Variants in RECK observed in about 807,000 individuals in gnomAD.
The protein encoded by RECK is reversion-inducing cysteine-rich protein with Kazal motifs.
A neutral mutation model predicts 115.1 loss-of-function variants in RECK; 69 were observed. The observed-to-expected ratio is 0.60, with a 90% CI of 0.49 to 0.73. RECK has a LOEUF of 0.73. Among genes scored for constraint, RECK ranks in the 30% least tolerant of loss-of-function variants. The pLI is 0.00. For synonymous variants in RECK, 414 were observed against 419.7 expected (o/e 0.99, Z 0.17); for missense variants, 1,047 against 1,203.7 (o/e 0.87, Z 1.93).
chr9:36,052,426 G>T, intron 2 of RECK, 103 bp downstream of exon 2: 1 of 774,064 alleles, frequency 1.3e-6, no homozygotes, highest in Non-Finnish European at 2.3e-6. Context: ...TAAGGCCAGG[G>T]GTTCAGGACC....
At chr9:36,052,570 C>T (rs909200323) in intron 2 of RECK, among the ~76,000 whole-genome samples, 1 of 152,122 alleles carries the variant, frequency 6.6e-6, no homozygotes, top group Non-Finnish European at 1.5e-5. Context: ...AACTAATTGT[C>T]CAGGGTTCAC....
rs1821833768 is a variant in RECK, at chr9:36,062,823, T to C, written c.272-972T>C. Among the ~76,000 whole-genome samples the C allele has an allele frequency of 3.9e-5, 6 of 152,180 alleles. No individual in the cohort carries two copies. In the South Asian group the frequency reaches 1.0e-3, roughly 26 times the overall value. ...AGGATTCATTCACTGACATTTATGATTGCAAAAGGAGTTTAAAAGCAAATT... is the reference window on the plus strand; with the variant it reads ...AGGATTCATTCACTGACATTTATGACTGCAAAAGGAGTTTAAAAGCAAATT... On this transcript the variant is annotated intron_variant, in intron 4 of 20. Coordinates refer to ENST00000377966, the MANE Select transcript of RECK (RefSeq NM_021111.3).
At chr9:36,073,113 ACAAT>A (rs1162999917) in intron 6 of RECK, among the ~76,000 whole-genome samples, 1 of 151,886 alleles carries the variant, frequency 6.6e-6, no homozygotes, top group African/African-American at 2.4e-5. Context: ...GGAACAACAA[ACAAT>A]CAAACCAAAA....
At chr9:36,060,893 C>T (rs1217278022) in intron 4 of RECK, among the ~76,000 whole-genome samples, 1 of 152,164 alleles carries the variant, frequency 6.6e-6, no homozygotes, top group Non-Finnish European at 1.5e-5. Context: ...CAAAATCAAA[C>T]TCATAACTGC....
chr9:36,082,108 C>T (rs1822724182), intron 7 of RECK, among the ~76,000 whole-genome samples: 2 of 151,116 alleles, frequency 1.3e-5, no homozygotes, highest in Admixed American at 1.3e-4. Context: ...ATTCTGGTTC[C>T]TCCATATCTA....
At chr9:36,089,717 C>T (rs754496730) in intron 9 of RECK, among the ~76,000 whole-genome samples, 2 of 152,132 alleles carry the variant, frequency 1.3e-5, no homozygotes, top group Middle Eastern at 3.4e-3. Flanking sequence ...AAATGAATGT[C>T]GTGTTTAGAC....
At chr9:36,110,123 C>T (rs762820376) in intron 15 of RECK, 44 bp downstream of exon 15, 2 of 1,565,698 alleles carry the variant, frequency 1.3e-6, no homozygotes, top group Admixed American at 3.5e-5. Context: ...GCCATCATTT[C>T]TTTGCACACA....
intron 9 of RECK, among the ~76,000 whole-genome samples, chr9:36,089,439 TTAA>T (rs1161235030): frequency 7.2e-5 from 11 of 152,214 alleles, no homozygotes; most frequent in Admixed American, 7.2e-4. Context: ...TCTTTTACAC[TTAA>T]TAAACTAACT....
chr9:36,086,360 C>T (rs1396461031), intron 8 of RECK, among the ~76,000 whole-genome samples: 2 of 151,802 alleles, frequency 1.3e-5, no homozygotes, highest in Non-Finnish European at 2.9e-5. Flanking sequence ...CAGACCTTCG[C>T]GTGAGTGTTA....
In RECK at chr9:36,080,056, T is replaced by TA. The variant is rs1365908669; in HGVS notation, c.406-542dup. Among the ~76,000 whole-genome samples the TA allele has an allele frequency of 5.9e-5, 9 of 152,248 alleles. No individual in the cohort carries two copies. In the East Asian group the frequency reaches 1.7e-3, roughly 29 times the overall value. The stretch of plus-strand genomic sequence containing the variant: ...CCAAACTCTGGTCCCAGGATGGCTA[T>TA]AAAAAAACTGTATTTCAAGTCTTGT... On this transcript the variant is annotated intron_variant, in intron 6 of 20. Coordinates refer to ENST00000377966, the MANE Select transcript of RECK (RefSeq NM_021111.3).
At chr9:36,049,047 G>T (rs1014516902) in intron 1 of RECK, among the ~76,000 whole-genome samples, 14 of 152,240 alleles carry the variant, frequency 9.2e-5, no homozygotes, top group African/African-American at 2.9e-4. Flanking sequence ...TTAAATAATG[G>T]TTTTAATATA....
chr9:36,090,968 A>ATTTTTCC (rs1823134170), intron 9 of RECK, among the ~76,000 whole-genome samples, 196 bp from the exon 10 acceptor site: 1 of 152,234 alleles, frequency 6.6e-6, no homozygotes, highest in Non-Finnish European at 1.5e-5. Context: ...AAGGTAGGTG[A>ATTTTTCC]TAAAAGAAGC....
intron 1 of RECK, among the ~76,000 whole-genome samples, chr9:36,045,665 C>T (rs1326587282): frequency 6.7e-6 from 1 of 149,776 alleles, no homozygotes; most frequent in Non-Finnish European, 1.5e-5. Flanking sequence ...TTTTGTGAGA[C>T]ATCTGTGGCA....
chr9:36,037,026 G>C lies in RECK; in HGVS notation c.28G>C (p.Gly10Arg). 3 of 1,429,556 alleles carry C rather than the reference G, an allele frequency of 2.1e-6. No homozygotes were observed. Among genetic ancestry groups the C allele is most frequent in the Non-Finnish European group, 2.8e-6 (3 of 1,088,434 alleles). 88.6% of individuals were successfully genotyped at this position (1,429,556 alleles called of 1,614,324 possible). A position where few individuals can be genotyped will look rare whatever the true frequency, so the allele number is the denominator to read the frequency against. Reference sequence around the variant, plus strand: ...GGCGACCGTCCGGGCCTCTCTGCGAGGTGCGCTGCTCCTTCTGCTGGCCGT... The same window carrying C: ...GGCGACCGTCCGGGCCTCTCTGCGACGTGCGCTGCTCCTTCTGCTGGCCGT... MATVRASLR[G>R]ALLLLLAVAG... is the part of the protein sequence containing the mutation. The change falls in exon 1 of 21, where the codon GGT becomes CGT. Residue 10 changes from glycine to arginine, a missense_variant. Physicochemically the swap from Gly to Arg is moderately radical, Grantham distance 125. Transcript: ENST00000377966.
chr9:36,045,304 A>G (rs1182571497), intron 1 of RECK, among the ~76,000 whole-genome samples: 1 of 152,236 alleles, frequency 6.6e-6, no homozygotes, highest in Non-Finnish European at 1.5e-5. Context: ...TGCAGTTCTC[A>G]TTTAAATGTT....
chr9:36,072,939 G>A (rs868294795), intron 6 of RECK, among the ~76,000 whole-genome samples: 5 of 152,052 alleles, frequency 3.3e-5, no homozygotes, highest in Middle Eastern at 3.4e-3. Context: ...ATTAGATTGC[G>A]ACCTGGTCTC....
At chr9:36,042,633 A>G (rs185918846) in intron 1 of RECK, among the ~76,000 whole-genome samples, 32 of 152,106 alleles carry the variant, frequency 2.1e-4, no homozygotes, top group Non-Finnish European at 4.0e-4. Flanking sequence ...TTGTGCTGCT[A>G]TAAGCATGCG....
intron 14 of RECK, among the ~76,000 whole-genome samples, chr9:36,108,840 T>A (rs1265068726): frequency 6.6e-6 from 1 of 152,064 alleles, no homozygotes; most frequent in African/African-American, 2.4e-5. Context: ...ACTATTCATG[T>A]CAATATATGA....
chr9:36,109,609 C>T (rs546495757), intron 14 of RECK, among the ~76,000 whole-genome samples: 42 of 152,212 alleles, frequency 2.8e-4, no homozygotes, highest in African/African-American at 8.7e-4. Context: ...TTTGGTAGGC[C>T]GAGGCAGGCA....
Sources: allele counts gnomAD v4.1 joint callset (sites outside exome capture counted in the v4.1 genomes callset), GRCh38; gene constraint gnomAD v4.1.1; transcripts MANE v1.5; gene names NCBI Gene and HGNC (gene_info 2026-07-23, HGNC 2026-07-21).